Variants in ADORA2B observed in about 807,000 individuals in gnomAD.
ADORA2B encodes the protein adenosine receptor A2b.
Under a neutral mutation model 20.8 loss-of-function variants are expected in ADORA2B, and 18 were observed. The ratio of observed to expected loss-of-function variants is 0.87; its 90% CI spans 0.60 to 1.29. The LOEUF is 1.29. Among genes scored for constraint, ADORA2B ranks in the 50% most tolerant of loss-of-function variants. ADORA2B has a pLI of 0.00. For missense variants in ADORA2B, 441 were observed against 422.7 expected, an observed-to-expected ratio of 1.04 and a Z score of -0.38; for synonymous variants, 179 against 178.3, an observed-to-expected ratio of 1.00 and a Z score of -0.03.
Position 15,974,556 on chromosome 17 carries a change from G to A in ADORA2B, c.336-123G>A, listed in dbSNP as rs199719265. 1.4e-4 allele frequency: 119 copies of A among 830,464 alleles called. No individual in the cohort carries two copies. The East Asian group carries it at 2.7e-3, about 19-fold the overall frequency. The allele number at this position is 830,464 out of a possible 1,614,324, so 51.4% of individuals were successfully genotyped here. A position where few individuals can be genotyped will look rare whatever the true frequency, so the allele number is the denominator to read the frequency against. On this transcript the variant is annotated intron_variant, in intron 1 of 1. Transcript: ENST00000304222. ...TTTAGTATTGAGGGTAAAGGCCTTA[G>A]TGCCCTGGAAGGTGAACTTTAGAGG... is the stretch of plus-strand genomic sequence containing the variant.
chr17:15,925,228 G>T, the ADORA2B span, among the ~76,000 whole-genome samples: 1 of 152,050 alleles, frequency 6.6e-6, no homozygotes, highest in Non-Finnish European at 1.5e-5. Flanking sequence ...TAGAGACGGG[G>T]TTTTACCATG....
chr17:15,876,996 C>T, the ADORA2B span, among the ~76,000 whole-genome samples: 1 of 152,178 alleles, frequency 6.6e-6, no homozygotes, highest in African/African-American at 2.4e-5. Flanking sequence ...TAAGTGAAAT[C>T]ATATAGTATT....
chr17:15,974,515 T>A, intron 1 of ADORA2B, 164 bp from the exon 2 acceptor site: 1 of 598,954 alleles, frequency 1.7e-6, no homozygotes, highest in Non-Finnish European at 2.9e-6. Context: ...AAGCTGCTCA[T>A]CCCTGCTTGC....
chr17:15,912,204 G>T, the ADORA2B span, among the ~76,000 whole-genome samples: 1 of 133,760 alleles, frequency 7.5e-6, no homozygotes, highest in Non-Finnish European at 1.6e-5. Context: ...GACAGAATAA[G>T]ACTCTGTCTC....
At chr17:15,957,747 C>T (rs1969986067) in intron 1 of ADORA2B, among the ~76,000 whole-genome samples, 1 of 152,128 alleles carries the variant, frequency 6.6e-6, no homozygotes, top group African/African-American at 2.4e-5. Flanking sequence ...TCCTGCACAG[C>T]AGCCTCTTCC....
the ADORA2B span, among the ~76,000 whole-genome samples, chr17:15,897,718 T>C: frequency 6.6e-6 from 1 of 152,210 alleles, no homozygotes; most frequent in Non-Finnish European, 1.5e-5. Flanking sequence ...ATCTCATTAG[T>C]GATCAGGAAA....
At chr17:15,910,297 G>A in the ADORA2B span, among the ~76,000 whole-genome samples, 1 of 151,670 alleles carries the variant, frequency 6.6e-6, no homozygotes, top group East Asian at 1.9e-4. Context: ...ACACAAATAC[G>A]TAAACTTTTT....
chr17:15,870,010 G>A, the ADORA2B span, among the ~76,000 whole-genome samples: 1 of 151,500 alleles, frequency 6.6e-6, no homozygotes, highest in Non-Finnish European at 1.5e-5. Context: ...TAAGTCTTGA[G>A]TCAGATGAAT....
chr17:15,861,914 A>G, the ADORA2B span, among the ~76,000 whole-genome samples: 1 of 152,050 alleles, frequency 6.6e-6, no homozygotes, highest in Non-Finnish European at 1.5e-5. Context: ...CCTCATCCTG[A>G]TCTTCTAGAT....
chr17:15,891,344 G>A, the ADORA2B span, among the ~76,000 whole-genome samples: 49,918 of 152,104 alleles, frequency 0.33, 8,888 homozygotes, highest in African/African-American at 0.46. Context: ...TGAACACTGA[G>A]TGCACAGCAG....
the ADORA2B span, among the ~76,000 whole-genome samples, chr17:15,861,141 G>A: frequency 1.3e-5 from 2 of 152,204 alleles, no homozygotes; most frequent in Non-Finnish European, 2.9e-5. Flanking sequence ...TGCAGTGCCC[G>A]TCTTCAGTGA....
the ADORA2B span, among the ~76,000 whole-genome samples, chr17:15,892,015 A>ATT: frequency 2.0e-4 from 27 of 134,012 alleles, no homozygotes; most frequent in African/African-American, 6.4e-4. Flanking sequence ...TGCCCAGCTA[A>ATT]TTTTTTTTTT....
chr17:15,895,695 A>G, the ADORA2B span, among the ~76,000 whole-genome samples: 1 of 152,186 alleles, frequency 6.6e-6, no homozygotes, highest in Non-Finnish European at 1.5e-5. Context: ...ATTTTAATTA[A>G]AATAGCCACA....
At chr17:15,875,689 T>C in the ADORA2B span, among the ~76,000 whole-genome samples, 5 of 152,354 alleles carry the variant, frequency 3.3e-5, no homozygotes, top group African/African-American at 9.6e-5. Context: ...TTCAAGTGAT[T>C]CTCCTGCCTC....
At chr17:15,917,766 AC>A in the ADORA2B span, among the ~76,000 whole-genome samples, 1 of 152,146 alleles carries the variant, frequency 6.6e-6, no homozygotes, top group Non-Finnish European at 1.5e-5. Context: ...CATTCAACAG[AC>A]GACCGCTCCG....
At chr17:15,906,225 A>G in the ADORA2B span, among the ~76,000 whole-genome samples, 2 of 152,240 alleles carry the variant, frequency 1.3e-5, no homozygotes, top group African/African-American at 4.8e-5. Context: ...TTCATTATTA[A>G]GTATGATGTT....
At chr17:15,864,767 C>G in the ADORA2B span, among the ~76,000 whole-genome samples, 4 of 151,996 alleles carry the variant, frequency 2.6e-5, no homozygotes, top group South Asian at 2.1e-4. Flanking sequence ...GGGATACTTG[C>G]AACCTTGGTT....
the ADORA2B span, among the ~76,000 whole-genome samples, chr17:15,898,172 C>T: frequency 6.6e-6 from 1 of 152,142 alleles, no homozygotes; most frequent in Non-Finnish European, 1.5e-5. Context: ...CAAAACTAAC[C>T]AGTACCAACA....
chr17:15,854,740 G>C, the ADORA2B span, among the ~76,000 whole-genome samples: 1 of 152,210 alleles, frequency 6.6e-6, no homozygotes, highest in East Asian at 1.9e-4. Context: ...ACCTCACAAT[G>C]GCCCTCCTCA....
Sources: allele counts gnomAD v4.1 joint callset (sites outside exome capture counted in the v4.1 genomes callset), GRCh38; gene constraint gnomAD v4.1.1; transcripts MANE v1.5; gene names NCBI Gene and HGNC (gene_info 2026-07-23, HGNC 2026-07-21).